RIT2: variants seen among roughly 807,000 people sequenced by gnomAD.
The protein encoded by RIT2 is Ras like without CAAX 2.
Under a neutral mutation model 23.7 loss-of-function variants are expected in RIT2, and 24 were observed. The ratio of observed to expected loss-of-function variants is 1.01; its 90% CI spans 0.73 to 1.43. The LOEUF (loss-of-function observed/expected upper bound fraction) is 1.43. Ranked by LOEUF, RIT2 falls within the 40% of genes most tolerant of loss-of-function variation. The probability of loss-of-function intolerance (pLI) is 0.00; values close to 1 mark genes in which losing one functional copy is unlikely to be tolerated. For synonymous variants in RIT2, 107 were observed against 91.1 expected, an observed-to-expected ratio of 1.17 and a Z score of -0.99; for missense variants, 236 against 266.9, an observed-to-expected ratio of 0.88 and a Z score of 0.81.
intron 1 of RIT2, among the ~76,000 whole-genome samples, chr18:43,075,493 AC>A (rs1166528634): frequency 6.6e-6 from 1 of 152,184 alleles, no homozygotes; most frequent in Non-Finnish European, 1.5e-5. Context: ...CTTCGATACA[AC>A]CAGTACTAAG....
intron 4 of RIT2, among the ~76,000 whole-genome samples, chr18:42,889,189 T>C (rs1400949126): frequency 6.6e-6 from 1 of 152,096 alleles, no homozygotes; most frequent in Non-Finnish European, 1.5e-5. Context: ...GTTTTAAAAA[T>C]AAATGACAAA....
chr18:42,900,821 G>A (rs1431077086), intron 4 of RIT2, among the ~76,000 whole-genome samples: 2 of 152,002 alleles, frequency 1.3e-5, no homozygotes, highest in African/African-American at 2.4e-5. Context: ...AGAGAACATA[G>A]TAAGAGACGG....
chr18:42,766,400 G>T (rs1380963051), intron 4 of RIT2, among the ~76,000 whole-genome samples: 1 of 152,168 alleles, frequency 6.6e-6, no homozygotes, highest in African/African-American at 2.4e-5. Context: ...GAGGCATTTT[G>T]CCCCTGCCTT....
intron 1 of RIT2, among the ~76,000 whole-genome samples, chr18:43,059,192 A>T (rs2144320140): frequency 6.6e-6 from 1 of 152,244 alleles, no homozygotes; most frequent in African/African-American, 2.4e-5. Flanking sequence ...ACAATGTGCA[A>T]GTCTTTCTTG....
intron 2 of RIT2, among the ~76,000 whole-genome samples, chr18:43,019,820 T>C (rs1598749996): frequency 6.6e-6 from 1 of 152,180 alleles, no homozygotes; most frequent in South Asian, 2.1e-4. Context: ...TTAGATCTGA[T>C]AAATGTATTC....
chr18:42,853,180 T>C (rs778742194), intron 4 of RIT2, among the ~76,000 whole-genome samples: 13 of 152,180 alleles, frequency 8.5e-5, no homozygotes, highest in Non-Finnish European at 1.6e-4. Context: ...GTGACACCTG[T>C]CGTGTATGCA....
chr18:42,886,301 C>T (rs113033018), intron 4 of RIT2, among the ~76,000 whole-genome samples: 3,936 of 152,048 alleles, frequency 0.026, 165 homozygotes, highest in African/African-American at 0.088. Flanking sequence ...TTCTATTGCG[C>T]GCAGAATAAC....
intron 4 of RIT2, among the ~76,000 whole-genome samples, chr18:42,769,814 G>A (rs759977306): frequency 8.1e-5 from 12 of 148,636 alleles, no homozygotes; most frequent in South Asian, 2.1e-4. Context: ...TAACCAGCAC[G>A]TTGTGCACAT....
chr18:42,946,906 G>A (rs1909740716), intron 3 of RIT2, among the ~76,000 whole-genome samples: 1 of 152,006 alleles, frequency 6.6e-6, no homozygotes, highest in Non-Finnish European at 1.5e-5. Context: ...CTTTAGAAGT[G>A]CAAAAGAAGA....
chr18:42,919,900 G>A (rs958398052), intron 4 of RIT2, among the ~76,000 whole-genome samples: 1 of 152,036 alleles, frequency 6.6e-6, no homozygotes, highest in Non-Finnish European at 1.5e-5. Flanking sequence ...GCATGAATAG[G>A]GACAAAGACC....
chr18:42,852,796 TCTTC>T (rs1356188285), intron 4 of RIT2, among the ~76,000 whole-genome samples: 2,484 of 75,290 alleles, frequency 0.033, 94 homozygotes, highest in African/African-American at 0.1. Flanking sequence ...TCCCTCCCTC[TCTTC>T]CTCCCTCCCT....
chr18:42,795,518 C>G (rs559621224), intron 4 of RIT2, among the ~76,000 whole-genome samples: 9 of 152,230 alleles, frequency 5.9e-5, no homozygotes, highest in African/African-American at 1.4e-4. Flanking sequence ...CCTCCCACCC[C>G]CTCCATGGGC....
chr18:42,998,761 G>A (rs1346465731), intron 2 of RIT2, among the ~76,000 whole-genome samples: 21 of 152,082 alleles, frequency 1.4e-4, no homozygotes, highest in Admixed American at 1.4e-3. Context: ...GTGTGCTAAA[G>A]CTTAGAAGGC....
At chr18:42,776,871 C>T (rs1318812668) in intron 4 of RIT2, among the ~76,000 whole-genome samples, 1 of 152,036 alleles carries the variant, frequency 6.6e-6, no homozygotes, top group Non-Finnish European at 1.5e-5. Context: ...ATCAGAGTTA[C>T]ATTTTCAAAA....
At chr18:42,800,623 G>A (rs1905508363) in intron 4 of RIT2, among the ~76,000 whole-genome samples, 1 of 149,508 alleles carries the variant, frequency 6.7e-6, no homozygotes, top group African/African-American at 2.4e-5. Context: ...TCCACCTCCC[G>A]GGTTCACGCC....
chr18:42,836,676 G>A (rs1024524617), intron 4 of RIT2, among the ~76,000 whole-genome samples: 5 of 152,098 alleles, frequency 3.3e-5, no homozygotes, highest in African/African-American at 1.2e-4. Flanking sequence ...GAAGAAAAAT[G>A]CCACCAGCTA....
At chr18:43,012,672 G>T (rs1395245906) in intron 2 of RIT2, among the ~76,000 whole-genome samples, 1 of 151,052 alleles carries the variant, frequency 6.6e-6, no homozygotes, top group African/African-American at 2.4e-5. Flanking sequence ...TATAAATAAG[G>T]GCTATAATAT....
chr18:43,022,876 A>T (rs573733677), intron 2 of RIT2, among the ~76,000 whole-genome samples: 45 of 152,266 alleles, frequency 3.0e-4, no homozygotes, highest in African/African-American at 1.1e-3. Context: ...TTATACTAGC[A>T]TATTTAAACA....
chr18:42,789,293 T>G (rs984305458), intron 4 of RIT2, among the ~76,000 whole-genome samples: 14 of 152,208 alleles, frequency 9.2e-5, no homozygotes, highest in Admixed American at 2.0e-4. Flanking sequence ...AGGTCTTGAT[T>G]ATCACCGTGG....
Sources: allele counts gnomAD v4.1 joint callset (sites outside exome capture counted in the v4.1 genomes callset), GRCh38; gene constraint gnomAD v4.1.1; transcripts MANE v1.5; gene names NCBI Gene and HGNC (gene_info 2026-07-23, HGNC 2026-07-21).